The following TCF7 variants were observed in gnomAD, a reference collection of about 807,000 sequenced individuals.
TCF7 encodes the protein T-cell-factor-7.
Under a neutral mutation model 46.8 loss-of-function variants are expected in TCF7, and 19 were observed. The observed-to-expected ratio is 0.41, with a 90% CI of 0.28 to 0.60. The LOEUF is 0.60. Among genes scored for constraint, TCF7 ranks in the 20% least tolerant of loss-of-function variants. The probability of loss-of-function intolerance (pLI) is 0.35; values close to 1 mark genes in which losing one functional copy is unlikely to be tolerated. For missense variants in TCF7, 547 were observed against 504.6 expected, an observed-to-expected ratio of 1.08 and a Z score of -0.81; for synonymous variants, 245 against 213.4, an observed-to-expected ratio of 1.15 and a Z score of -1.29.
chr5:134,145,600 G>T, intron 9 of TCF7: 1 of 842,258 alleles, frequency 1.2e-6, no homozygotes, highest in Non-Finnish European at 1.9e-6. Context: ...AGGAACACTT[G>T]TCCAGCCTCT....
rs1755596721 is a variant in TCF7, at chr5:134,114,955, C to T, written c.49C>T (p.Leu17Phe). The change falls in exon 1 of 10, where the codon CTC (leucine) becomes TTC (phenylalanine). Residue 17 changes from leucine to phenylalanine, a missense_variant. Leu to Phe is a conservative substitution (Grantham distance 22). Transcript: ENST00000342854. The part of the protein sequence containing the change: ...GGGGAGGGDD[L>F]GAPDELLAFQ... ...GGGCGGCGCGGGCGGCGGCGACGACCTCGGCGCGCCGGACGAGCTGCTGGC... is the reference window on the plus strand; with the variant it reads ...GGGCGGCGCGGGCGGCGGCGACGACTTCGGCGCGCCGGACGAGCTGCTGGC... The T allele has an allele frequency of 1.7e-6, 2 of 1,152,446 alleles. No individual in the cohort carries two copies. Among genetic ancestry groups the T allele is most frequent in the Non-Finnish European group, 2.2e-6 (2 of 917,854 alleles). 71.4% of individuals were successfully genotyped at this position (1,152,446 alleles called of 1,614,324 possible). A position where few individuals can be genotyped will look rare whatever the true frequency, so the allele number is the denominator to read the frequency against.
intron 5 of TCF7, chr5:134,141,009 G>C (rs1746362853): frequency 6.2e-6 from 2 of 323,962 alleles, no homozygotes; most frequent in Non-Finnish European, 1.2e-5. Context: ...CTGTCCGTCT[G>C]TCATTTTGCA....
Position 134,114,699 on chromosome 5 carries a change from T to G in TCF7, c.-208T>G. On this transcript the variant is annotated 5_prime_UTR_variant, in exon 1 of 10. Coordinates refer to ENST00000342854, the MANE Select transcript of TCF7 (RefSeq NM_003202.5). ...CCCCGGCACTCGGCCGGCGGCGCCT[T>G]TGATGTTCCGACCCGCCAGCTCGCG... 5 of 232,398 alleles carry G rather than the reference T, an allele frequency of 2.2e-5. No homozygotes were observed. Among genetic ancestry groups the G allele is most frequent in the Non-Finnish European group, 2.7e-5 (4 of 146,558 alleles). 14.4% of individuals were successfully genotyped at this position (232,398 alleles called of 1,614,324 possible).
rs1385989391 is a variant in TCF7 at position 134,114,728 on chromosome 5, C to T, written c.-179C>T. ...TGTTCCGACCCGCCAGCTCGCGGAG[C>T]CGCTCTGCCCCGCGCCCTAGCCCGC... On this transcript the variant is annotated 5_prime_UTR_variant, in exon 1 of 10. Transcript: ENST00000342854. 1.0e-5 allele frequency: 5 copies of T among 499,876 alleles called. No homozygotes were observed. Among genetic ancestry groups the T allele is most frequent in the Non-Finnish European group, 1.3e-5 (5 of 387,946 alleles). 31.0% of individuals were successfully genotyped at this position (499,876 alleles called of 1,614,324 possible). A position where few individuals can be genotyped will look rare whatever the true frequency, so the allele number is the denominator to read the frequency against.
chr5:134,138,488 G>C (rs999395577), intron 4 of TCF7: 1 of 323,412 alleles, frequency 3.1e-6, no homozygotes, highest in East Asian at 5.5e-5. Context: ...GAAAGTGGTG[G>C]TTGTGATGGC....
intron 3 of TCF7, among the ~76,000 whole-genome samples, chr5:134,131,295 A>G (rs1451136927): frequency 1.3e-5 from 2 of 152,238 alleles, no homozygotes; most frequent in Admixed American, 1.3e-4. Flanking sequence ...TGCTTCCCAC[A>G]TGTGCGAAAT....
chr5:134,142,343 C>T (rs1255436733), intron 6 of TCF7, 39 bp downstream of exon 6: 1 of 1,539,774 alleles, frequency 6.5e-7, no homozygotes, highest in Non-Finnish European at 8.8e-7. Flanking sequence ...GTGTGTCAGT[C>T]AGGATACACA....
intron 3 of TCF7, among the ~76,000 whole-genome samples, chr5:134,125,151 G>A (rs1757172843): frequency 6.6e-6 from 1 of 152,234 alleles, no homozygotes; most frequent in Non-Finnish European, 1.5e-5. Flanking sequence ...AGGGGTCATG[G>A]GGAGGGAGGG....
At chr5:134,132,748 T>C (rs532447601) in intron 3 of TCF7, among the ~76,000 whole-genome samples, 2 of 139,354 alleles carry the variant, frequency 1.4e-5, no homozygotes, top group African/African-American at 2.6e-5. Context: ...GGGGTGCGGG[T>C]TGGGGGGGTG....
chr5:134,127,440 C>T (rs1470013579), intron 3 of TCF7, among the ~76,000 whole-genome samples: 1 of 152,248 alleles, frequency 6.6e-6, no homozygotes, highest in Non-Finnish European at 1.5e-5. Flanking sequence ...GACCTGTCTA[C>T]AGGTGGATCA....
chr5:134,115,807 G>T (rs2149265459), intron 2 of TCF7, 102 bp from the exon 3 acceptor site: 1 of 1,566,220 alleles, frequency 6.4e-7, no homozygotes, highest in Non-Finnish European at 8.6e-7. Context: ...TCAGGAACTT[G>T]CAGGGGACCC....
intron 9 of TCF7, chr5:134,145,365 T>A (rs1760541679): frequency 1.8e-6 from 1 of 545,564 alleles, no homozygotes; most frequent in Admixed American, 1.9e-5. Flanking sequence ...TGCTATCTTG[T>A]ACCTACTGAT....
upstream of TCF7, among the ~76,000 whole-genome samples, chr5:134,111,816 A>G (rs1456750879): frequency 6.6e-6 from 1 of 152,226 alleles, no homozygotes; most frequent in Non-Finnish European, 1.5e-5. Flanking sequence ...ATGTGGGCTC[A>G]GGAGTCAGAC....
intron 3 of TCF7, among the ~76,000 whole-genome samples, chr5:134,129,780 C>T (rs1200497772): frequency 6.6e-6 from 1 of 152,372 alleles, no homozygotes; most frequent in Admixed American, 6.5e-5. Context: ...GCAGGGACTC[C>T]AGTCCCCACC....
upstream of TCF7, among the ~76,000 whole-genome samples, chr5:134,112,324 G>C (rs1287960450): frequency 6.6e-6 from 1 of 152,176 alleles, no homozygotes; most frequent in African/African-American, 2.4e-5. Context: ...GCAGCCAATG[G>C]CTCCTGGAAG....
At chr5:134,139,178 C>A in intron 5 of TCF7, 140 bp downstream of exon 5, 2 of 1,357,178 alleles carry the variant, frequency 1.5e-6, no homozygotes, top group Non-Finnish European at 2.0e-6. Flanking sequence ...TGGCCAGCAA[C>A]TCTGTCCTAA....
intron 3 of TCF7, among the ~76,000 whole-genome samples, chr5:134,126,512 A>C (rs1463898343): frequency 6.6e-6 from 1 of 152,278 alleles, no homozygotes; most frequent in Non-Finnish European, 1.5e-5. Flanking sequence ...CTCAGTAAGC[A>C]GTTGTTGAAA....
intron 3 of TCF7, chr5:134,123,633 G>A: frequency 1.3e-5 from 6 of 454,380 alleles, no homozygotes; most frequent in Admixed American, 9.4e-5. Flanking sequence ...GAGGCCCAGG[G>A]TCTACGAAGG....
At chr5:134,138,326 A>C in intron 4 of TCF7, 162 bp downstream of exon 4, 1 of 627,150 alleles carries the variant, frequency 1.6e-6, no homozygotes. Flanking sequence ...CTGGGGGTAT[A>C]AGGGCATCAG....
Sources: allele counts gnomAD v4.1 joint callset (sites outside exome capture counted in the v4.1 genomes callset), GRCh38; gene constraint gnomAD v4.1.1; transcripts MANE v1.5; gene names NCBI Gene and HGNC (gene_info 2026-07-23, HGNC 2026-07-21).